TRHDE: variants seen among roughly 807,000 people sequenced by gnomAD.
The protein encoded by TRHDE is thyrotropin-releasing hormone-degrading ectoenzyme.
A neutral mutation model predicts 125.7 loss-of-function variants in TRHDE; 72 were observed. The observed-to-expected ratio is 0.57, with a 90% CI of 0.47 to 0.70. TRHDE has a LOEUF of 0.70. TRHDE is among the 30% of genes least tolerant of loss of function. The probability of loss-of-function intolerance (pLI) is 0.00; values close to 1 mark genes in which losing one functional copy is unlikely to be tolerated. For synonymous variants in TRHDE, 509 were observed against 509.1 expected, an observed-to-expected ratio of 1.00 and a Z score of 0.00; for missense variants, 1,110 against 1,327.1, an observed-to-expected ratio of 0.84 and a Z score of 2.54.
intron 2 of TRHDE, among the ~76,000 whole-genome samples, chr12:72,180,636 G>GACT (rs1327980896): frequency 2.0e-5 from 3 of 152,160 alleles, no homozygotes; most frequent in African/African-American, 4.8e-5. Flanking sequence ...TCTGAAGCTA[G>GACT]ACTATGTTTT....
chr12:72,382,790 C>A (rs1452998625), intron 3 of TRHDE, among the ~76,000 whole-genome samples: 1 of 152,146 alleles, frequency 6.6e-6, no homozygotes. Context: ...TTTTGCTGTT[C>A]TGTCATAAAC....
chr12:72,651,085 C>G lies in TRHDE; in HGVS notation c.2676-1237C>G, dbSNP rs1874487175. 2.6e-5 allele frequency among the ~76,000 whole-genome samples: 4 copies of G among 152,066 alleles called. No homozygotes were observed. The South Asian group carries it at 8.3e-4, about 31-fold the overall frequency. ...TGTGTTTCCTTTGTTTCATTAAAAA[C>G]AAATCAAACAAAATGTTTTCTAATG... On this transcript the variant is annotated intron_variant, in intron 15 of 18. Transcript: ENST00000261180.
chr12:72,420,045 G>A (rs2135825401), intron 3 of TRHDE, among the ~76,000 whole-genome samples: 1 of 152,254 alleles, frequency 6.6e-6, no homozygotes, highest in African/African-American at 2.4e-5. Context: ...TTATTTCAAA[G>A]GTTTTCATCA....
chr12:72,654,317 C>T (rs1485644532), intron 17 of TRHDE, among the ~76,000 whole-genome samples: 1 of 152,214 alleles, frequency 6.6e-6, no homozygotes, highest in East Asian at 1.9e-4. Context: ...TCCATGATCT[C>T]CATCCTATCT....
intron 2 of TRHDE, among the ~76,000 whole-genome samples, chr12:72,123,855 A>C (rs559041768): frequency 6.6e-6 from 1 of 152,196 alleles, no homozygotes; most frequent in Admixed American, 6.5e-5. Flanking sequence ...GCAGCCACTG[A>C]TCTATTTTAT....
chr12:72,455,948 G>T (rs1875822178), intron 3 of TRHDE, among the ~76,000 whole-genome samples: 1 of 151,638 alleles, frequency 6.6e-6, no homozygotes, highest in Non-Finnish European at 1.5e-5. Flanking sequence ...CAACGAGTTT[G>T]CCAAAATTTG....
chr12:72,499,760 CAG>C (rs1878071371), intron 6 of TRHDE, 125 bp downstream of exon 6: 3 of 1,067,580 alleles, frequency 2.8e-6, no homozygotes, highest in East Asian at 5.6e-5. Context: ...ATTTAGAAAA[CAG>C]AGTCACTAGG....
chr12:72,406,206 T>C (rs1873259799), intron 3 of TRHDE, among the ~76,000 whole-genome samples: 1 of 152,232 alleles, frequency 6.6e-6, no homozygotes, highest in Non-Finnish European at 1.5e-5. Flanking sequence ...AATCTAATTC[T>C]GAGCAGGATT....
At chr12:72,612,681 C>T (rs1329611852) in intron 12 of TRHDE, among the ~76,000 whole-genome samples, 3 of 152,188 alleles carry the variant, frequency 2.0e-5, no homozygotes, top group Non-Finnish European at 4.4e-5. Context: ...ACCGTCTTTT[C>T]ATAACATCAT....
In TRHDE at chr12:72,398,570, A is replaced by T. The variant is rs558029266; in HGVS notation, c.1315+20449A>T. Among the ~76,000 whole-genome samples, 5 of 152,366 alleles carry T rather than the reference A, an allele frequency of 3.3e-5. No homozygotes were observed. In the South Asian group the frequency reaches 1.0e-3, roughly 32 times the overall value. On this transcript the variant is annotated intron_variant, in intron 3 of 18. Coordinates refer to ENST00000261180, the MANE Select transcript of TRHDE (RefSeq NM_013381.3). The stretch of plus-strand genomic sequence containing the variant: ...AGTACTTGACATATGGTAGATGTTT[A>T]ACAAATATGCATTAGATAAGAGAAT...
intron 12 of TRHDE, among the ~76,000 whole-genome samples, chr12:72,589,708 T>A (rs1056155351): frequency 6.6e-6 from 1 of 152,110 alleles, no homozygotes; most frequent in African/African-American, 2.4e-5. Flanking sequence ...TATATAATAT[T>A]CTCTTATTAT....
chr12:72,208,684 A>G (rs1362120579), intron 2 of TRHDE, among the ~76,000 whole-genome samples: 1 of 152,174 alleles, frequency 6.6e-6, no homozygotes, highest in Admixed American at 6.5e-5. Flanking sequence ...TGAAGATTAA[A>G]TTAGTAAATA....
At chr12:72,487,964 G>T (rs748108128) in intron 5 of TRHDE, among the ~76,000 whole-genome samples, 4 of 151,888 alleles carry the variant, frequency 2.6e-5, no homozygotes, top group Non-Finnish European at 5.9e-5. Flanking sequence ...TTGATTATAA[G>T]ATGTTTTATT....
chr12:72,543,371 C>A (rs538551399), intron 7 of TRHDE, among the ~76,000 whole-genome samples: 8 of 151,508 alleles, frequency 5.3e-5, no homozygotes, highest in African/African-American at 1.9e-4. Context: ...AATATTTTTA[C>A]AGATTTGTTC....
intron 2 of TRHDE, among the ~76,000 whole-genome samples, chr12:72,141,286 C>G (rs780537820): frequency 2.0e-5 from 3 of 152,142 alleles, no homozygotes; most frequent in Non-Finnish European, 4.4e-5. Context: ...AGTTAAGGCA[C>G]TATCCAAGAG....
At chr12:72,350,684 G>C (rs1870542176) in intron 2 of TRHDE, among the ~76,000 whole-genome samples, 1 of 151,870 alleles carries the variant, frequency 6.6e-6, no homozygotes, top group Non-Finnish European at 1.5e-5. Context: ...TGGAAAATGA[G>C]GCTTGATAGA....
intron 2 of TRHDE, among the ~76,000 whole-genome samples, chr12:72,109,088 G>A (rs1875255195): frequency 6.6e-6 from 1 of 152,056 alleles, no homozygotes; most frequent in Non-Finnish European, 1.5e-5. Context: ...CAATTATCAT[G>A]TAGTCATTCA....
chr12:72,273,324 G>T lies in TRHDE; in HGVS notation c.681G>T (p.Leu227=). Residue 227 remains leucine (L), a synonymous_variant, in exon 1 of 19, where the codon CTG becomes CTT. Coordinates refer to ENST00000261180, the MANE Select transcript of TRHDE (RefSeq NM_013381.3). The surrounding 1 kb of genome is among the most constrained non-coding windows in gnomAD (Gnocchi z 5.3). ...GGAACGCCACCCGCTACGTAGTGCT[G>T]CACGCTTCCCGAGTGGCGGTGGAGA... The part of the protein sequence containing the change: ...ACRNATRYVV[L]HASRVAVEKV... The T allele has an allele frequency of 6.2e-7, 1 of 1,614,110 alleles. No homozygotes were observed. Among genetic ancestry groups the T allele is most frequent in the Non-Finnish European group, 8.5e-7 (1 of 1,180,008 alleles).
intron 2 of TRHDE, among the ~76,000 whole-genome samples, chr12:72,226,248 G>A (rs948396705): frequency 1.3e-5 from 2 of 152,120 alleles, no homozygotes; most frequent in African/African-American, 4.8e-5. Flanking sequence ...AGGTTCCAGA[G>A]GTAGATTTGA....
Sources: allele counts gnomAD v4.1 joint callset (sites outside exome capture counted in the v4.1 genomes callset), GRCh38; gene constraint gnomAD v4.1.1; non-coding constraint Gnocchi (gnomAD v3.1); transcripts MANE v1.5; gene names NCBI Gene and HGNC (gene_info 2026-07-23, HGNC 2026-07-21).